Variants in NUP98 observed in about 807,000 individuals in gnomAD.
NUP98 encodes nucleoporin 98 and 96 precursor.
In NUP98, 26 loss-of-function variants were observed where a neutral mutation model predicts 191.9. The observed-to-expected ratio is 0.14, with a 90% confidence interval of 0.10 to 0.19. The LOEUF (loss-of-function observed/expected upper bound fraction) is 0.19, where lower values mean the gene tolerates loss of function less well. Among genes scored for constraint, NUP98 ranks in the 10% least tolerant of loss-of-function variants. The pLI is 1.00. For missense variants in NUP98, 1,941 were observed against 2,178.8 expected (o/e 0.89, Z 2.17); for synonymous variants, 808 against 778.4 (o/e 1.04, Z -0.63).
At chr11:3,684,416 T>C (rs1450867929) in intron 29 of NUP98, among the ~76,000 whole-genome samples, 1 of 152,178 alleles carries the variant, frequency 6.6e-6, no homozygotes, top group Non-Finnish European at 1.5e-5. Context: ...GACTCTTTTC[T>C]GAATTCCTAA....
At chr11:3,743,272 C>A (rs528046803) in intron 12 of NUP98, among the ~76,000 whole-genome samples, 1 of 151,422 alleles carries the variant, frequency 6.6e-6, no homozygotes, top group African/African-American at 2.4e-5. Flanking sequence ...CCGCCTCGGC[C>A]TCCCAAAGTA....
chr11:3,725,368 C>A, intron 14 of NUP98, 149 bp from the exon 15 acceptor site: 1 of 540,062 alleles, frequency 1.9e-6, no homozygotes, highest in Non-Finnish European at 3.3e-6. Flanking sequence ...CATTTATAAA[C>A]GCTTCCTAGG....
chr11:3,681,857 T>C (rs1429036491), intron 30 of NUP98, among the ~76,000 whole-genome samples: 1 of 152,230 alleles, frequency 6.6e-6, no homozygotes, highest in African/African-American at 2.4e-5. Flanking sequence ...AAGCCAGGCA[T>C]TGACTTCTCT....
intron 22 of NUP98, among the ~76,000 whole-genome samples, chr11:3,704,408 T>C (rs994808177): frequency 6.6e-6 from 1 of 152,202 alleles, no homozygotes; most frequent in Non-Finnish European, 1.5e-5. Context: ...AAATATGTAA[T>C]CACTTCCCTG....
chr11:3,720,689 C>G (rs2134212647), intron 17 of NUP98, 23 bp downstream of exon 17: 1 of 1,250,638 alleles, frequency 8.0e-7, no homozygotes, highest in Non-Finnish European at 1.2e-6. Flanking sequence ...GGCTTAATCA[C>G]TAAGTGCTAA....
chr11:3,776,533 G>A (rs2133925658), intron 4 of NUP98, among the ~76,000 whole-genome samples: 1 of 150,866 alleles, frequency 6.6e-6, no homozygotes, highest in South Asian at 2.1e-4. Flanking sequence ...GCCCAGGCTG[G>A]AGTGCAGTGG....
At chr11:3,697,407 C>CG (rs2078542131) in intron 25 of NUP98, 1 of 152,196 alleles carries the variant, frequency 6.6e-6, no homozygotes, top group Non-Finnish European at 1.5e-5. Context: ...TAAATCCAGT[C>CG]GATGGCTCCA....
intron 20 of NUP98, chr11:3,711,755 A>G (rs1012472828): frequency 4.7e-6 from 3 of 636,426 alleles, no homozygotes; most frequent in South Asian, 7.3e-5. Context: ...AAAAGTCAAT[A>G]TATTTCCAGT....
intron 28 of NUP98, among the ~76,000 whole-genome samples, chr11:3,690,829 A>G (rs2078289792): frequency 6.6e-6 from 1 of 152,122 alleles, no homozygotes; most frequent in Non-Finnish European, 1.5e-5. Flanking sequence ...TACATAAACC[A>G]TGTACCCCCG....
chr11:3,719,303 T>C, intron 18 of NUP98, 109 bp downstream of exon 18: 2 of 803,888 alleles, frequency 2.5e-6, no homozygotes, highest in Non-Finnish European at 4.0e-6. Flanking sequence ...AAATGTACTC[T>C]ATAGTAAGGA....
chr11:3,773,745 A>G lies in NUP98; in HGVS notation c.496-6T>C. 1.3e-6 allele frequency: 2 copies of G among 1,589,940 alleles called. No homozygotes were observed. The highest frequency in any genetic ancestry group is 1.3e-5 in the African/African-American group (1 of 74,256). ...GTATCTGTACCAGTTGGAGGCTGCA[A>G]AGTTAAATAAAGGCAAATTTGTAGG... On this transcript the variant is annotated splice_region_variant and splice_polypyrimidine_tract_variant and intron_variant, in intron 5 of 32. Coordinates refer to ENST00000324932, the MANE Select transcript of NUP98 (RefSeq NM_016320.5).
intron 1 of NUP98, among the ~76,000 whole-genome samples, chr11:3,794,141 T>C (rs61896922): frequency 3.2e-4 from 48 of 152,142 alleles, no homozygotes; most frequent in African/African-American, 1.1e-3. Context: ...TATCCTACAA[T>C]ATACAACAGA....
intron 4 of NUP98, among the ~76,000 whole-genome samples, chr11:3,777,554 G>T (rs1272555843): frequency 3.4e-5 from 5 of 148,722 alleles, no homozygotes; most frequent in African/African-American, 1.2e-4. Flanking sequence ...TGGGGAGGCG[G>T]AGGTTGCAGT....
intron 20 of NUP98, chr11:3,711,836 G>A: frequency 6.8e-6 from 7 of 1,031,306 alleles, no homozygotes; most frequent in Non-Finnish European, 8.2e-6. Context: ...CTCCAGAAAT[G>A]CCTCCTAAGA....
chr11:3,715,182 T>C (rs937557247), intron 18 of NUP98, among the ~76,000 whole-genome samples: 4 of 152,230 alleles, frequency 2.6e-5, no homozygotes, highest in Non-Finnish European at 5.9e-5. Context: ...AGTCTCGCTC[T>C]GTCACCCAGG....
At chr11:3,709,591 G>A (rs1351802245) in intron 20 of NUP98, among the ~76,000 whole-genome samples, 1 of 151,150 alleles carries the variant, frequency 6.6e-6, no homozygotes, top group Non-Finnish European at 1.5e-5. Context: ...TGCAGTCCCA[G>A]TTACTTGGGA....
intron 1 of NUP98, among the ~76,000 whole-genome samples, chr11:3,785,622 G>C (rs557911032): frequency 1.6e-4 from 24 of 152,220 alleles, no homozygotes; most frequent in African/African-American, 5.8e-4. Context: ...AGCTGATAGC[G>C]GTGGTGCACA....
intron 12 of NUP98, among the ~76,000 whole-genome samples, chr11:3,736,331 G>A (rs950410521): frequency 6.6e-6 from 1 of 152,148 alleles, no homozygotes; most frequent in South Asian, 2.1e-4. Context: ...ATACAGTCAA[G>A]ATATGGAAAC....
chr11:3,693,240 C>T lies in NUP98; in HGVS notation c.4303G>A (p.Ala1435Thr). 6.2e-7 allele frequency: 1 copy of T among 1,614,070 alleles called. No individual in the cohort carries two copies. Among genetic ancestry groups the T allele is most frequent in the Non-Finnish European group, 8.5e-7 (1 of 1,179,946 alleles). ...ISRALSMYEE[A>T]FQNTSDSDRY... ...CTATTGGCCACATATACCTGAAATG[C>T]TTCTTCATACATGCTGAGCGCCCTA... is the stretch of plus-strand genomic sequence containing the variant. The change falls in exon 27 of 33, where the codon GCA becomes ACA. Residue 1435 changes from alanine to threonine, a missense_variant. By Grantham distance (58) the Ala-to-Thr change is moderately conservative (BLOSUM62 0). Around this residue, in one of 6 missense-constraint regions of NUP98, gnomAD observed 1,030 missense variants for 1,115.8 expected, o/e 0.92. Transcript: ENST00000324932.
Sources: gnomAD v4.1 joint callset for allele counts (sites outside exome capture counted in the v4.1 genomes callset) on GRCh38, gnomAD v4.1.1 for gene constraint, gnomAD v4.1.1 regional missense constraint, MANE v1.5 for transcripts, NCBI Gene and HGNC (gene_info 2026-07-23, HGNC 2026-07-21) for gene names.